The following TMEM213 variants were observed in gnomAD, a reference collection of about 807,000 sequenced individuals.
TMEM213 encodes transmembrane protein 213.
Under a neutral mutation model 11.6 loss-of-function variants are expected in TMEM213, and 7 were observed. The observed-to-expected ratio is 0.60, with a 90% CI of 0.34 to 1.13. TMEM213 has a LOEUF of 1.13. Ranked by LOEUF, TMEM213 falls within the 50% of genes most tolerant of loss-of-function variation. The pLI is 0.03. For missense variants in TMEM213, 129 were observed against 139.0 expected (o/e 0.93, Z 0.36); for synonymous variants, 60 against 58.3 (o/e 1.03, Z -0.13).
At position 138,804,655 on chromosome 7, in the gene TMEM213, C is replaced by T. The variant is rs1809046912; in HGVS notation, c.*1586C>T. 1 of 152,138 alleles carries T rather than the reference C, an allele frequency of 6.6e-6. No homozygotes were observed. The highest frequency in any genetic ancestry group is 1.5e-5 in the Non-Finnish European group (1 of 68,034). The allele number at this position is 152,138 out of a possible 1,614,324, so 9.4% of individuals were successfully genotyped here. ...AATGAATGAACAAATGAGTCTTTGC[C>T]CTAGACAACTTAAGGTCCTCACTCT... On this transcript the variant is annotated 3_prime_UTR_variant, in exon 3 of 3. Coordinates refer to ENST00000442682, the MANE Select transcript of TMEM213 (RefSeq NM_001085429.2).
rs1472981290 is a variant in TMEM213 at position 138,804,617 on chromosome 7, G to A, written c.*1548G>A. 2.0e-5 allele frequency: 3 copies of A among 152,252 alleles called. No homozygotes were observed. Among genetic ancestry groups the A allele is most frequent in the Admixed American group, 2.0e-4 (3 of 15,290 alleles). The allele number at this position is 152,252 out of a possible 1,614,324, so 9.4% of individuals were successfully genotyped here. ...ATTCAAGTTTGTCCAATGAGTGCAT[G>A]GGTGAATTAATGAATGAATGAACAA... On this transcript the variant is annotated 3_prime_UTR_variant, in exon 3 of 3. Transcript: ENST00000442682.
At chr7:138,798,774 G>A (rs899675932) in intron 1 of TMEM213, among the ~76,000 whole-genome samples, 7 of 152,178 alleles carry the variant, frequency 4.6e-5, no homozygotes. Flanking sequence ...GAGGCTGGAA[G>A]GCTGATCTAC....
At chr7:138,799,269 A>G (rs1205593396) in intron 1 of TMEM213, 1 of 152,116 alleles carries the variant, frequency 6.6e-6, no homozygotes, top group Non-Finnish European at 1.5e-5. Flanking sequence ...TTATTTTCCA[A>G]CTTCACCCCT....
chr7:138,803,779 GA>G lies in TMEM213; in HGVS notation c.*728del, dbSNP rs3087006. 2.1e-3 allele frequency: 221 copies of G among 103,202 alleles called. 1 individual carries two copies. The highest frequency in any genetic ancestry group is 0.011 in the Middle Eastern group (2 of 178). 6.4% of individuals were successfully genotyped at this position (103,202 alleles called of 1,614,324 possible). A position where few individuals can be genotyped will look rare whatever the true frequency, so the allele number is the denominator to read the frequency against. The stretch of plus-strand genomic sequence containing the variant: ...GGCGGCAGAGCAAGACTCTGTATCA[GA>G]AAAAAAAAAAAAAAAAAGAATGTGA... On this transcript the variant is annotated 3_prime_UTR_variant, in exon 3 of 3. Coordinates refer to ENST00000442682, the MANE Select transcript of TMEM213 (RefSeq NM_001085429.2).
chr7:138,800,124 A>G lies in TMEM213; in HGVS notation c.83-1203A>G, dbSNP rs1808882551. Among the ~76,000 whole-genome samples, 3 of 152,168 alleles carry G rather than the reference A, an allele frequency of 2.0e-5. No individual in the cohort carries two copies. In the South Asian group the frequency reaches 6.2e-4, roughly 32 times the overall value. On this transcript the variant is annotated intron_variant, in intron 1 of 2. Transcript: ENST00000442682. ...GTCAGCATGAGCACTGTCTAATAAT[A>G]GAACTTGCACTGAGGGTGGAAATGT...
At chr7:138,801,285 C>G (rs371028000) in intron 1 of TMEM213, 42 bp from the exon 2 acceptor site, 8 of 1,543,204 alleles carry the variant, frequency 5.2e-6, no homozygotes, top group Non-Finnish European at 5.3e-6. Context: ...CTGGGAATAG[C>G]TTTTGCCAGT....
Position 138,803,062 on chromosome 7 carries a change from A to C in TMEM213, c.317A>C (p.Gln106Pro). ...KLTPDEPKDL[Q>P]A ...ACTCCAGATGAGCCCAAGGACTTGC[A>C]AGCGTGAGACCCAGGCTCGGTGCAC... The change falls in exon 3 of 3, where the codon CAA becomes CCA. Residue 106 changes from glutamine (Q) to proline (P), a missense_variant. Transcript: ENST00000442682. 1.2e-6 allele frequency: 2 copies of C among 1,613,132 alleles called. No homozygotes were observed. Among genetic ancestry groups the C allele is most frequent in the Non-Finnish European group, 1.7e-6 (2 of 1,179,726 alleles).
intron 1 of TMEM213, chr7:138,799,471 G>A (rs1306594738): frequency 6.6e-6 from 1 of 152,112 alleles, no homozygotes; most frequent in Non-Finnish European, 1.5e-5. Flanking sequence ...GGAGGAGGGC[G>A]ATGTTTAAAT....
chr7:138,803,213 G>T lies in TMEM213; in HGVS notation c.*144G>T, dbSNP rs1448787522. 8.7e-7 allele frequency: 1 copy of T among 1,145,110 alleles called. No individual in the cohort carries two copies. Among genetic ancestry groups the T allele is most frequent in the Non-Finnish European group, 1.2e-6 (1 of 821,784 alleles). 70.9% of individuals were successfully genotyped at this position (1,145,110 alleles called of 1,614,324 possible). ...TTTTACAAGGGAAAGAAGAAAGAGCGGGAGAACCAAATAAGGCAAGCCAGT... is the reference window on the plus strand; with the variant it reads ...TTTTACAAGGGAAAGAAGAAAGAGCTGGAGAACCAAATAAGGCAAGCCAGT... On this transcript the variant is annotated 3_prime_UTR_variant, in exon 3 of 3. Coordinates refer to ENST00000442682, the MANE Select transcript of TMEM213 (RefSeq NM_001085429.2).
In TMEM213 at chr7:138,806,121, T is replaced by C. The variant is rs1383789522; in HGVS notation, c.*3052T>C. On this transcript the variant is annotated 3_prime_UTR_variant, in exon 3 of 3. Transcript: ENST00000442682. ...CAAAGAAAATGGTTCTATAGTTTGA[T>C]GGTTCTACTTCCCAGATGCTACCTC... 6 of 152,238 alleles carry C rather than the reference T, an allele frequency of 3.9e-5. No individual in the cohort carries two copies. The highest frequency in any genetic ancestry group is 5.9e-5 in the Non-Finnish European group (4 of 68,036). 9.4% of individuals were successfully genotyped at this position (152,238 alleles called of 1,614,324 possible).
chr7:138,800,708 T>TCTTCTTCTTCTTC (rs1554404923), intron 1 of TMEM213, among the ~76,000 whole-genome samples: 1 of 147,948 alleles, frequency 6.8e-6, no homozygotes, highest in African/African-American at 2.5e-5. Flanking sequence ...CTTCTTCTTT[T>TCTTCTTCTTCTTC]TTTTTTTTTT....
rs867794019 is a variant in TMEM213, at chr7:138,805,071, T to C, written c.*2002T>C. ...TCCCTGACAACAGAAACTGAAGAGATTGCCTGGTTCATCTTGTAGTCTTCC... is the reference window on the plus strand; with the variant it reads ...TCCCTGACAACAGAAACTGAAGAGACTGCCTGGTTCATCTTGTAGTCTTCC... On this transcript the variant is annotated 3_prime_UTR_variant, in exon 3 of 3. Coordinates refer to ENST00000442682, the MANE Select transcript of TMEM213 (RefSeq NM_001085429.2). The C allele has an allele frequency of 1.3e-5, 2 of 152,146 alleles. No individual in the cohort carries two copies. Among genetic ancestry groups the C allele is most frequent in the Admixed American group, 6.6e-5 (1 of 15,266 alleles). The allele number at this position is 152,146 out of a possible 1,614,324, so 9.4% of individuals were successfully genotyped here. A position where few individuals can be genotyped will look rare whatever the true frequency, so the allele number is the denominator to read the frequency against.
At position 138,805,052 on chromosome 7, in the gene TMEM213, A is replaced by G. The variant is rs1809053269; in HGVS notation, c.*1983A>G. 6.6e-6 allele frequency: 1 copy of G among 152,194 alleles called. No individual in the cohort carries two copies. Among genetic ancestry groups the G allele is most frequent in the Admixed American group, 6.5e-5 (1 of 15,278 alleles). The allele number at this position is 152,194 out of a possible 1,614,324, so 9.4% of individuals were successfully genotyped here. On this transcript the variant is annotated 3_prime_UTR_variant, in exon 3 of 3. Transcript: ENST00000442682. Reference sequence around the variant, plus strand: ...CAGAAAATCTAAGTAAAGTTCCCTGACAACAGAAACTGAAGAGATTGCCTG... The same window carrying G: ...CAGAAAATCTAAGTAAAGTTCCCTGGCAACAGAAACTGAAGAGATTGCCTG...
In TMEM213 at chr7:138,803,755, G is replaced by A. The variant is rs1364108566; in HGVS notation, c.*686G>A. The A allele has an allele frequency of 6.8e-6, 1 of 147,116 alleles. No individual in the cohort carries two copies. The highest frequency in any genetic ancestry group is 2.5e-5 in the African/African-American group (1 of 39,484). 9.1% of individuals were successfully genotyped at this position (147,116 alleles called of 1,614,324 possible). A position where few individuals can be genotyped will look rare whatever the true frequency, so the allele number is the denominator to read the frequency against. ...ATCATGCCACTGCACTCCAGCCTGG[G>A]CGGCAGAGCAAGACTCTGTATCAGA... On this transcript the variant is annotated 3_prime_UTR_variant, in exon 3 of 3. Coordinates refer to ENST00000442682, the MANE Select transcript of TMEM213 (RefSeq NM_001085429.2).
rs61044050 is a variant in TMEM213, at chr7:138,805,395, GA to G, written c.*2343del. 0.12 allele frequency: 14,096 copies of G among 115,506 alleles called. 1,524 individuals carry two copies. The highest frequency in any genetic ancestry group is 0.31 in the African/African-American group (10,688 of 33,956). 7.2% of individuals were successfully genotyped at this position (115,506 alleles called of 1,614,324 possible). ...GGGCAACAAAGTGAGACCCTGTCTG[GA>G]AAAAAAAAAAAAAAAAGCGTCTGCA... is the stretch of plus-strand genomic sequence containing the variant. On this transcript the variant is annotated 3_prime_UTR_variant, in exon 3 of 3. Coordinates refer to ENST00000442682, the MANE Select transcript of TMEM213 (RefSeq NM_001085429.2).
At chr7:138,798,246 A>C in intron 1 of TMEM213, 60 bp downstream of exon 1, 18 of 1,458,636 alleles carry the variant, frequency 1.2e-5, no homozygotes, top group South Asian at 3.7e-5. Context: ...GAGGGAAGAG[A>C]GGTGGGAGGG....
intron 1 of TMEM213, among the ~76,000 whole-genome samples, chr7:138,800,302 C>T (rs1007147148): frequency 3.9e-5 from 6 of 152,046 alleles, no homozygotes; most frequent in East Asian, 3.8e-4. Flanking sequence ...TAGTGGCTGC[C>T]GTATTGAACA....
intron 2 of TMEM213, among the ~76,000 whole-genome samples, chr7:138,802,662 T>G (rs57252563): frequency 2.0e-5 from 3 of 151,992 alleles, no homozygotes; most frequent in African/African-American, 7.3e-5. Flanking sequence ...CATCTTGTGA[T>G]CTTGGGCAAA....
In TMEM213 at chr7:138,799,307, CTACT is replaced by C. The variant is rs780221596; in HGVS notation, c.82+1125_82+1128del. 7 of 152,292 alleles carry C rather than the reference CTACT, an allele frequency of 4.6e-5. No homozygotes were observed. The East Asian group carries it at 1.4e-3, about 29-fold the overall frequency. The allele number at this position is 152,292 out of a possible 1,614,324, so 9.4% of individuals were successfully genotyped here. On this transcript the variant is annotated intron_variant, in intron 1 of 2. Coordinates refer to ENST00000442682, the MANE Select transcript of TMEM213 (RefSeq NM_001085429.2). ...CCAAATAAGAGTGCTGAGTTTCTTT[CTACT>C]TACCCCGACAGTGCCTTGCTTATGA...
Sources: gnomAD v4.1 joint callset for allele counts (sites outside exome capture counted in the v4.1 genomes callset) on GRCh38, gnomAD v4.1.1 for gene constraint, MANE v1.5 for transcripts, NCBI Gene and HGNC (gene_info 2026-07-23, HGNC 2026-07-21) for gene names.